TLR6: variants seen among roughly 807,000 people sequenced by gnomAD.
TLR6 encodes toll-like receptor 6.
A neutral mutation model predicts 16.1 loss-of-function variants in TLR6; 9 were observed. The observed-to-expected ratio is 0.56, with a 90% CI of 0.34 to 0.98. TLR6 has a LOEUF of 0.98. Among genes scored for constraint, TLR6 ranks in the 50% least tolerant of loss-of-function variants. TLR6 has a pLI of 0.02. For synonymous variants in TLR6, 340 were observed against 338.6 expected (o/e 1.00, Z -0.04); for missense variants, 786 against 921.0 (o/e 0.85, Z 1.90).
intron 1 of TLR6, among the ~76,000 whole-genome samples, chr4:38,831,220 G>A (rs1410119893): frequency 2.0e-5 from 3 of 151,144 alleles, no homozygotes; most frequent in South Asian, 2.1e-4. Flanking sequence ...TTTGACAAAC[G>A]AGCAAAGGCA....
intron 1 of TLR6, among the ~76,000 whole-genome samples, chr4:38,842,557 A>G (rs1712326245): frequency 6.6e-6 from 1 of 152,174 alleles, no homozygotes; most frequent in Non-Finnish European, 1.5e-5. Flanking sequence ...AGTCTCAGAA[A>G]CTCAGACATA....
chr4:38,836,457 A>G (rs1255376016), intron 1 of TLR6, among the ~76,000 whole-genome samples: 1 of 152,256 alleles, frequency 6.6e-6, no homozygotes, highest in Non-Finnish European at 1.5e-5. Flanking sequence ...GAACAGACCA[A>G]TAACAAGTAA....
intron 1 of TLR6, among the ~76,000 whole-genome samples, chr4:38,856,146 C>A (rs73236638): frequency 6.6e-6 from 1 of 151,460 alleles, no homozygotes; most frequent in Non-Finnish European, 1.5e-5. Context: ...CAGATTCAAG[C>A]TTGTGAAGGG....
the TLR6 span, chr4:38,867,720 CGGGG>C: frequency 6.6e-6 from 1 of 150,984 alleles, no homozygotes; most frequent in Non-Finnish European, 1.5e-5. Context: ...GGGGCGCAGG[CGGGG>C]CGGGGCCCCC....
At chr4:38,855,565 T>C (rs1352514946) in intron 1 of TLR6, among the ~76,000 whole-genome samples, 1 of 152,204 alleles carries the variant, frequency 6.6e-6, no homozygotes, top group African/African-American at 2.4e-5. Flanking sequence ...CAGATAATAG[T>C]AGATAACTGG....
At chr4:38,839,092 A>G (rs1021202605) in intron 1 of TLR6, among the ~76,000 whole-genome samples, 2 of 112,652 alleles carry the variant, frequency 1.8e-5, no homozygotes, top group Admixed American at 2.2e-4. Flanking sequence ...GGAAGGAAGG[A>G]AGGGAGGGAG....
At chr4:38,858,832 GA>G (rs1713115000), upstream of TLR6, among the ~76,000 whole-genome samples, 6 of 50,862 alleles carry the variant, frequency 1.2e-4, no homozygotes, top group Non-Finnish European at 2.0e-4. Context: ...AGAGAGAGAG[GA>G]AGAAAGAAAG....
chr4:38,838,940 G>A (rs1712082442), intron 1 of TLR6, among the ~76,000 whole-genome samples: 3 of 125,740 alleles, frequency 2.4e-5, no homozygotes, highest in Admixed American at 2.3e-4. Context: ...AAGGAAGGAA[G>A]GAAGGGAGGA....
the TLR6 span, among the ~76,000 whole-genome samples, chr4:38,864,581 A>G: frequency 6.3e-3 from 964 of 152,382 alleles, 14 homozygotes; most frequent in African/African-American, 0.021. Context: ...CTAGAGCTAC[A>G]TGTGTGAATA....
At position 38,827,399 on chromosome 4, in the gene TLR6, A is replaced by G. The variant is rs199854431; in HGVS notation, c.2075T>C (p.Ile692Thr). The G allele has an allele frequency of 2.8e-5, 45 of 1,614,110 alleles. No individual in the cohort carries two copies. Among genetic ancestry groups the G allele is most frequent in the East Asian group, 2.0e-4 (9 of 44,900 alleles). The change falls in exon 2 of 2, where the codon ATT becomes ACT. Residue 692 changes from isoleucine to threonine, a missense_variant. Physicochemically the swap from Ile to Thr is moderately conservative, Grantham distance 89. Coordinates refer to ENST00000436693, the Ensembl canonical transcript of TLR6. ...AAAGATGGACTTGTAACTCTTCTCA[A>G]TGCAGTTGATGATATTTTCCACAAT...
Position 38,854,451 on chromosome 4 carries a change from TATAAG to T in TLR6, c.-65+2305_-65+2309del, listed in dbSNP as rs544272937. On this transcript the variant is annotated intron_variant, in intron 1 of 1. Transcript: ENST00000436693. The stretch of plus-strand genomic sequence containing the variant: ...TTTCCAGAATGCCTGTTATTTTTAC[TATAAG>T]ATATTTAAGCATAAAAAGAGGAAGG... Among the ~76,000 whole-genome samples the T allele has an allele frequency of 1.4e-3, 214 of 152,310 alleles. 2 individuals carry two copies. In the Middle Eastern group the frequency reaches 0.017, roughly 12 times the overall value.
intron 1 of TLR6, among the ~76,000 whole-genome samples, chr4:38,841,189 TAA>T (rs1165824677): frequency 2.7e-5 from 2 of 75,284 alleles, no homozygotes; most frequent in South Asian, 4.7e-4. Context: ...ATAAATTTTG[TAA>T]AGACTATTTA....
intron 1 of TLR6, among the ~76,000 whole-genome samples, chr4:38,830,169 T>C (rs1388053926): frequency 1.4e-4 from 22 of 152,220 alleles, no homozygotes; most frequent in Admixed American, 1.3e-3. Flanking sequence ...ATAGACTGGC[T>C]AAGCATTGAG....
upstream of TLR6, among the ~76,000 whole-genome samples, chr4:38,858,531 C>T (rs1713078942): frequency 6.6e-6 from 1 of 151,952 alleles, no homozygotes; most frequent in Admixed American, 6.6e-5. Flanking sequence ...ACCGGCTTGG[C>T]TAACATGGCG....
upstream of TLR6, among the ~76,000 whole-genome samples, chr4:38,857,268 T>A (rs6837101): frequency 0.38 from 57,226 of 151,948 alleles, 11,551 homozygotes; most frequent in African/African-American, 0.52. Flanking sequence ...GGTTTTTTTT[T>A]AAAAATCAAC....
chr4:38,835,534 C>T (rs1244547326), intron 1 of TLR6, among the ~76,000 whole-genome samples: 1 of 152,172 alleles, frequency 6.6e-6, no homozygotes. Context: ...GGAACTTCAA[C>T]ATCCCACTCT....
chr4:38,832,893 C>T (rs911812612), intron 1 of TLR6, among the ~76,000 whole-genome samples: 4 of 152,154 alleles, frequency 2.6e-5, no homozygotes, highest in Non-Finnish European at 5.9e-5. Context: ...CCAGGGCCAC[C>T]GCCACTTACA....
intron 1 of TLR6, among the ~76,000 whole-genome samples, chr4:38,843,243 G>C (rs762781324): frequency 1.3e-5 from 2 of 152,210 alleles, no homozygotes; most frequent in Non-Finnish European, 2.9e-5. Context: ...GACTGGAACT[G>C]CCAGGCTGGC....
chr4:38,828,404 A>C, exon 2 of TLR6: 1 of 1,613,202 alleles, frequency 6.2e-7, no homozygotes, highest in African/African-American at 1.3e-5. Flanking sequence ...AAAGTTCAAA[A>C]ACTTGAATGT....
Sources: gnomAD v4.1 joint callset for allele counts (sites outside exome capture counted in the v4.1 genomes callset) on GRCh38, gnomAD v4.1.1 for gene constraint, MANE v1.5 for transcripts, NCBI Gene and HGNC (gene_info 2026-07-23, HGNC 2026-07-21) for gene names.